CTNNBL1: variants seen among roughly 807,000 people sequenced by gnomAD.
CTNNBL1 encodes beta-catenin-like protein 1.
Under a neutral mutation model 72.7 loss-of-function variants are expected in CTNNBL1, and 31 were observed. The ratio of observed to expected loss-of-function variants is 0.43; its 90% CI spans 0.32 to 0.58. The LOEUF (loss-of-function observed/expected upper bound fraction) is 0.58, where lower values mean the gene tolerates loss of function less well. Among genes scored for constraint, CTNNBL1 ranks in the 20% least tolerant of loss-of-function variants. CTNNBL1 has a pLI of 0.08. For missense variants in CTNNBL1, 534 were observed against 725.1 expected, an observed-to-expected ratio of 0.74 and a Z score of 3.03; for synonymous variants, 240 against 267.3, an observed-to-expected ratio of 0.90 and a Z score of 1.00.
At chr20:37,779,362 C>T in intron 10 of CTNNBL1, 27 bp downstream of exon 10, 1 of 1,607,162 alleles carries the variant, frequency 6.2e-7, no homozygotes, top group Non-Finnish European at 8.5e-7. Context: ...CTAGTTCTCC[C>T]ACCTTTTTTG....
At chr20:37,839,344 T>C (rs2072281819) in intron 11 of CTNNBL1, among the ~76,000 whole-genome samples, 1 of 152,224 alleles carries the variant, frequency 6.6e-6, no homozygotes, top group Non-Finnish European at 1.5e-5. Flanking sequence ...AAATAAACTT[T>C]GTTCTGCCAT....
chr20:37,733,854 T>C (rs892415760), intron 2 of CTNNBL1, among the ~76,000 whole-genome samples: 6 of 152,228 alleles, frequency 3.9e-5, no homozygotes, highest in African/African-American at 1.4e-4. Context: ...AGACTGGCTC[T>C]GTTCTGTTCA....
At chr20:37,706,981 C>T (rs989988179) in intron 1 of CTNNBL1, among the ~76,000 whole-genome samples, 6 of 152,058 alleles carry the variant, frequency 3.9e-5, no homozygotes, top group African/African-American at 7.2e-5. Flanking sequence ...GATGCATTGG[C>T]AATGAACAGT....
At chr20:37,697,579 C>T (rs1405115909) in intron 1 of CTNNBL1, among the ~76,000 whole-genome samples, 2 of 152,122 alleles carry the variant, frequency 1.3e-5, no homozygotes, top group Non-Finnish European at 2.9e-5. Flanking sequence ...TTGTGGGCCA[C>T]GATAAAGACC....
intron 5 of CTNNBL1, among the ~76,000 whole-genome samples, chr20:37,764,841 G>A (rs572660532): frequency 3.3e-5 from 5 of 152,268 alleles, no homozygotes; most frequent in East Asian, 3.9e-4. Flanking sequence ...TGGCATTCTC[G>A]TAAGGTAGTA....
chr20:37,841,066 T>C (rs1429308065), intron 12 of CTNNBL1, among the ~76,000 whole-genome samples: 1 of 152,278 alleles, frequency 6.6e-6, no homozygotes, highest in Non-Finnish European at 1.5e-5. Flanking sequence ...GAGTGACTAC[T>C]ATGGATTGGA....
At chr20:37,764,609 A>G (rs2073448227) in intron 5 of CTNNBL1, among the ~76,000 whole-genome samples, 2 of 152,220 alleles carry the variant, frequency 1.3e-5, no homozygotes, top group Non-Finnish European at 2.9e-5. Context: ...CTGTGCATTC[A>G]ATGTCATACA....
At chr20:37,736,748 C>T (rs1055739426) in intron 2 of CTNNBL1, among the ~76,000 whole-genome samples, 1 of 152,030 alleles carries the variant, frequency 6.6e-6, no homozygotes, top group Admixed American at 6.5e-5. Context: ...TCTTGAACTC[C>T]TGACCTCAAG....
At chr20:37,849,703 C>T (rs2072378904) in intron 13 of CTNNBL1, among the ~76,000 whole-genome samples, 1 of 152,212 alleles carries the variant, frequency 6.6e-6, no homozygotes, top group African/African-American at 2.4e-5. Context: ...CCACCTGGAG[C>T]CCCTCCTGTG....
In CTNNBL1 at chr20:37,867,166, ATC is replaced by A. The variant is rs560259509; in HGVS notation, c.1604-4755_1604-4754del. ...CCAAGTTCATTGTTGTTGTCAAGGA[ATC>A]TCTGTTAGACCTGAAGGATTTTCCT... On this transcript the variant is annotated intron_variant, in intron 15 of 15. Transcript: ENST00000361383. Among the ~76,000 whole-genome samples, 18 of 152,302 alleles carry A rather than the reference ATC, an allele frequency of 1.2e-4. No homozygotes were observed. In the East Asian group the frequency reaches 2.9e-3, roughly 24 times the overall value.
At chr20:37,734,344 G>A (rs1854615898) in intron 2 of CTNNBL1, among the ~76,000 whole-genome samples, 1 of 152,170 alleles carries the variant, frequency 6.6e-6, no homozygotes, top group African/African-American at 2.4e-5. Flanking sequence ...CCTCTCTGAG[G>A]GCAGCAGCCT....
At chr20:37,826,277 T>C (rs910609700) in intron 11 of CTNNBL1, among the ~76,000 whole-genome samples, 3 of 152,242 alleles carry the variant, frequency 2.0e-5, no homozygotes, top group African/African-American at 7.2e-5. Context: ...TTAAACACTT[T>C]TAAAATCCAT....
At chr20:37,859,029 G>A (rs1490108653) in intron 13 of CTNNBL1, among the ~76,000 whole-genome samples, 7 of 152,100 alleles carry the variant, frequency 4.6e-5, no homozygotes, top group African/African-American at 1.4e-4. Context: ...CTCAGCTTAC[G>A]ATAACATTGC....
At chr20:37,838,109 G>A (rs948242032) in intron 11 of CTNNBL1, among the ~76,000 whole-genome samples, 2 of 152,166 alleles carry the variant, frequency 1.3e-5, no homozygotes, top group African/African-American at 4.8e-5. Flanking sequence ...AATCTGCCGC[G>A]GAACATTTCA....
intron 1 of CTNNBL1, among the ~76,000 whole-genome samples, chr20:37,695,747 G>A (rs1029283958): frequency 1.3e-5 from 2 of 152,206 alleles, no homozygotes; most frequent in African/African-American, 2.4e-5. Flanking sequence ...TTCTTCATCT[G>A]TAAATGGGGG....
At chr20:37,842,455 C>T (rs200438176) in intron 13 of CTNNBL1, 36 bp downstream of exon 13, 137 of 1,488,798 alleles carry the variant, frequency 9.2e-5, no homozygotes, top group South Asian at 1.1e-5. Context: ...CAGCTATTGA[C>T]TTGCCCTCCG....
chr20:37,786,475 T>A (rs2073674622), intron 10 of CTNNBL1, among the ~76,000 whole-genome samples: 1 of 152,188 alleles, frequency 6.6e-6, no homozygotes, highest in Non-Finnish European at 1.5e-5. Context: ...CAATTGGATT[T>A]GTTTTTTTTG....
chr20:37,766,986 G>A (rs144691005), intron 6 of CTNNBL1, among the ~76,000 whole-genome samples: 2 of 152,300 alleles, frequency 1.3e-5, no homozygotes, highest in East Asian at 3.9e-4. Flanking sequence ...TTGCTCCTCT[G>A]CTCCCACAGC....
chr20:37,711,672 T>A (rs1036202233), intron 1 of CTNNBL1, among the ~76,000 whole-genome samples: 4 of 151,422 alleles, frequency 2.6e-5, no homozygotes, highest in African/African-American at 9.7e-5. Flanking sequence ...TGGCTGTTTA[T>A]TTTGGAAGGT....
Sources: allele counts gnomAD v4.1 joint callset (sites outside exome capture counted in the v4.1 genomes callset), GRCh38; gene constraint gnomAD v4.1.1; transcripts MANE v1.5; gene names NCBI Gene and HGNC (gene_info 2026-07-23, HGNC 2026-07-21).